KIAA1217: variants seen among roughly 807,000 people sequenced by gnomAD.
KIAA1217 encodes the protein sickle tail protein homolog.
In KIAA1217, 88 loss-of-function variants were observed where a neutral mutation model predicts 163.9. The observed-to-expected ratio is 0.54, with a 90% CI of 0.45 to 0.64. The LOEUF (loss-of-function observed/expected upper bound fraction) is 0.64, where lower values mean the gene tolerates loss of function less well. Ranked by LOEUF, KIAA1217 falls within the 30% of genes least tolerant of loss-of-function variation. The pLI is 0.00. For missense variants in KIAA1217, 2,372 were observed against 2,475.0 expected (o/e 0.96, Z 0.88); for synonymous variants, 903 against 923.1 (o/e 0.98, Z 0.39).
Position 24,262,286 on chromosome 10 carries a change from G to A in KIAA1217, c.354+42377G>A, listed in dbSNP as rs142613925. On this transcript the variant is annotated intron_variant, in intron 2 of 20. Transcript: ENST00000376454. Reference sequence around the variant, plus strand: ...AACATTGGCATGTGTTACCAATTAAGTAGAGAGGTGGCTGCTGTTTTAGAG... The same window carrying A: ...AACATTGGCATGTGTTACCAATTAAATAGAGAGGTGGCTGCTGTTTTAGAG... 8.3e-3 allele frequency among the ~76,000 whole-genome samples: 1,260 copies of A among 152,250 alleles called. 7 individuals are homozygous for A. The highest frequency in any genetic ancestry group is 0.014 in the Non-Finnish European group (936 of 68,004).
At chr10:23,842,320 G>T (rs138565203) in intron 1 of KIAA1217, among the ~76,000 whole-genome samples, 2 of 152,216 alleles carry the variant, frequency 1.3e-5, no homozygotes, top group African/African-American at 4.8e-5. Flanking sequence ...TCACCAGACG[G>T]CTCTCCAAAT....
intron 1 of KIAA1217, among the ~76,000 whole-genome samples, chr10:23,859,996 T>G (rs1162157096): frequency 2.6e-5 from 4 of 152,182 alleles, no homozygotes; most frequent in Non-Finnish European, 4.4e-5. Flanking sequence ...TAATGGCATT[T>G]GCAGCAACAA....
intron 2 of KIAA1217, among the ~76,000 whole-genome samples, chr10:24,112,069 G>C (rs1010539635): frequency 6.6e-6 from 1 of 152,138 alleles, no homozygotes; most frequent in African/African-American, 2.4e-5. Flanking sequence ...CCAAAGTACT[G>C]AGATTAGAGG....
chr10:23,931,419 G>T (rs933846667), intron 1 of KIAA1217, among the ~76,000 whole-genome samples: 3 of 152,144 alleles, frequency 2.0e-5, no homozygotes, highest in African/African-American at 7.2e-5. Flanking sequence ...AATTGACCTG[G>T]AGAAAGAAGA....
intron 1 of KIAA1217, among the ~76,000 whole-genome samples, chr10:23,790,033 ACATATACATATG>A (rs1322608617): frequency 8.0e-6 from 1 of 124,340 alleles, no homozygotes; most frequent in African/African-American, 3.4e-5. Flanking sequence ...ATGCATATAC[ACATATACATATG>A]CATATACACA....
chr10:23,958,582 G>T (rs1289063347), intron 1 of KIAA1217, among the ~76,000 whole-genome samples: 4 of 152,108 alleles, frequency 2.6e-5, no homozygotes, highest in Admixed American at 2.6e-4. Context: ...AATTTGTTGA[G>T]AAAAACGTGA....
chr10:23,807,142 C>T (rs961420653), intron 1 of KIAA1217, among the ~76,000 whole-genome samples: 1 of 152,222 alleles, frequency 6.6e-6, no homozygotes, highest in Admixed American at 6.5e-5. Flanking sequence ...TGGTATGAAG[C>T]TCAGCGATTC....
At position 24,528,092 on chromosome 10, in the gene KIAA1217, G is replaced by A. The variant is rs1219877980; in HGVS notation, c.3055G>A (p.Ala1019Thr). 1.2e-6 allele frequency: 2 copies of A among 1,614,052 alleles called. No homozygotes were observed. The highest frequency in any genetic ancestry group is 1.1e-5 in the South Asian group (1 of 91,062). Reference sequence around the variant, plus strand: ...CACAGGCCCACTGCCAAGGGGAGATGCCCCAGTGGACAAGGTGGAACTTTC... The same window carrying A: ...CACAGGCCCACTGCCAAGGGGAGATACCCCAGTGGACAAGGTGGAACTTTC... ...PATGPLPRGD[A>T]PVDKVELSED... is the part of the protein sequence containing the mutation. The change falls in exon 14 of 21, where the codon GCC becomes ACC. Residue 1019 changes from alanine (A) to threonine (T), a missense_variant. Physicochemically the swap from Ala to Thr is moderately conservative, Grantham distance 58. Transcript: ENST00000376454.
chr10:23,815,278 A>G (rs952838266), intron 1 of KIAA1217, among the ~76,000 whole-genome samples: 2 of 152,222 alleles, frequency 1.3e-5, no homozygotes, highest in Non-Finnish European at 2.9e-5. Flanking sequence ...AAAAAAAAGC[A>G]TAAAATTGCT....
chr10:23,887,968 C>T (rs193031420), intron 1 of KIAA1217, among the ~76,000 whole-genome samples: 18 of 151,962 alleles, frequency 1.2e-4, no homozygotes, highest in Admixed American at 6.6e-5. Context: ...GTGTAAATCT[C>T]ATAAATTTTG....
chr10:23,960,040 C>T lies in KIAA1217; in HGVS notation c.-320-47185C>T, dbSNP rs544746895. On this transcript the variant is annotated intron_variant, in intron 1 of 18. Transcript: ENST00000376462. Reference sequence around the variant, plus strand: ...ACGCCATTCTCCTGCCTCAGCCTCCCGAGTAGCTGCAACTACAGGCGCCTG... The same window carrying T: ...ACGCCATTCTCCTGCCTCAGCCTCCTGAGTAGCTGCAACTACAGGCGCCTG... 1.3e-4 allele frequency among the ~76,000 whole-genome samples: 20 copies of T among 151,022 alleles called. No individual in the cohort carries two copies. In the South Asian group the frequency reaches 3.2e-3, roughly 24 times the overall value.
At chr10:23,898,398 C>T (rs1320082750) in intron 1 of KIAA1217, among the ~76,000 whole-genome samples, 1 of 151,728 alleles carries the variant, frequency 6.6e-6, no homozygotes, top group African/African-American at 2.4e-5. Flanking sequence ...GGTTAGAACA[C>T]AACTATCAAC....
chr10:24,139,474 T>G (rs907268574), intron 2 of KIAA1217, among the ~76,000 whole-genome samples: 1 of 152,170 alleles, frequency 6.6e-6, no homozygotes, highest in Non-Finnish European at 1.5e-5. Context: ...TTATTATACC[T>G]TTCTATTATA....
intron 1 of KIAA1217, among the ~76,000 whole-genome samples, chr10:23,829,788 T>A (rs1374594174): frequency 1.3e-5 from 2 of 152,258 alleles, no homozygotes; most frequent in Non-Finnish European, 2.9e-5. Context: ...AGCAAGGGGT[T>A]AACAATGCCT....
chr10:23,830,987 A>ATTCG (rs1382869616), intron 1 of KIAA1217, among the ~76,000 whole-genome samples: 1 of 152,074 alleles, frequency 6.6e-6, no homozygotes, highest in Non-Finnish European at 1.5e-5. Context: ...AAAGGAAAGG[A>ATTCG]TTCGGGTGAG....
At chr10:24,488,392 C>T (rs570824261) in intron 6 of KIAA1217, among the ~76,000 whole-genome samples, 89 of 152,140 alleles carry the variant, frequency 5.8e-4, no homozygotes, top group Admixed American at 1.5e-3. Flanking sequence ...AGACATTAGA[C>T]GAAACAAAAT....
At chr10:24,249,741 A>C (rs924420166) in intron 2 of KIAA1217, among the ~76,000 whole-genome samples, 2 of 152,178 alleles carry the variant, frequency 1.3e-5, no homozygotes, top group African/African-American at 4.8e-5. Context: ...AGTTCTCCCA[A>C]AAAAACCCTG....
At chr10:23,725,683 T>C (rs1272574407) in intron 1 of KIAA1217, among the ~76,000 whole-genome samples, 1 of 152,246 alleles carries the variant, frequency 6.6e-6, no homozygotes, top group African/African-American at 2.4e-5. Context: ...GTGAATTCTT[T>C]GGCTCAGAAC....
At chr10:24,481,855 C>A (rs866710240) in intron 6 of KIAA1217, 1 of 152,146 alleles carries the variant, frequency 6.6e-6, no homozygotes, top group East Asian at 1.9e-4. Context: ...AGGGCATGTA[C>A]GTAATGAAAA....
Sources: gnomAD v4.1 joint callset for allele counts (sites outside exome capture counted in the v4.1 genomes callset) on GRCh38, gnomAD v4.1.1 for gene constraint, MANE v1.5 for transcripts, NCBI Gene and HGNC (gene_info 2026-07-23, HGNC 2026-07-21) for gene names.